The following PON3 variants were observed in gnomAD, a reference collection of about 807,000 sequenced individuals.
The protein encoded by PON3 is paraoxonase 3.
Under a neutral mutation model 36.3 loss-of-function variants are expected in PON3, and 37 were observed. That is an observed-to-expected ratio of 1.02 (90% CI 0.78 to 1.34). The LOEUF is 1.34. Ranked by LOEUF, PON3 falls within the 40% of genes most tolerant of loss-of-function variation. The pLI is 0.00. For synonymous variants in PON3, 155 were observed against 154.8 expected (o/e 1.00, Z -0.01); for missense variants, 415 against 426.5 (o/e 0.97, Z 0.24).
intron 3 of PON3, 97 bp from the exon 4 acceptor site, chr7:95,372,435 A>G (rs1451033724): frequency 7.3e-7 from 1 of 1,372,968 alleles, no homozygotes; most frequent in Non-Finnish European, 1.0e-6. Context: ...AAATGTTCAA[A>G]GTTCTAAATT....
At chr7:95,393,680 C>T (rs533033901) in intron 2 of PON3, among the ~76,000 whole-genome samples, 5 of 152,062 alleles carry the variant, frequency 3.3e-5, no homozygotes, top group Admixed American at 3.3e-4. Context: ...GGGTACCATA[C>T]ATAGGAAAAG....
intron 3 of PON3, among the ~76,000 whole-genome samples, chr7:95,387,037 T>C (rs1475683529): frequency 6.6e-6 from 1 of 152,152 alleles, no homozygotes; most frequent in Non-Finnish European, 1.5e-5. Flanking sequence ...TCATACTGAA[T>C]AGGCAAAAAC....
At chr7:95,367,119 G>C (rs1289164441) in intron 5 of PON3, among the ~76,000 whole-genome samples, 1 of 152,162 alleles carries the variant, frequency 6.6e-6, no homozygotes, top group African/African-American at 2.4e-5. Flanking sequence ...GAATTTAATT[G>C]AGCACCTTTA....
chr7:95,373,886 C>T (rs1268431522), intron 3 of PON3, among the ~76,000 whole-genome samples: 1 of 152,144 alleles, frequency 6.6e-6, no homozygotes, highest in African/African-American at 2.4e-5. Flanking sequence ...CTGGGCCTTA[C>T]AAGGAACAAC....
intron 3 of PON3, 114 bp from the exon 4 acceptor site, chr7:95,372,452 A>C (rs1054484874): frequency 1.7e-6 from 2 of 1,196,974 alleles, no homozygotes; most frequent in Non-Finnish European, 2.4e-6. Flanking sequence ...AATTTCATTT[A>C]GATTACTGGG....
intron 8 of PON3, among the ~76,000 whole-genome samples, chr7:95,360,969 G>T (rs180675826): frequency 6.6e-6 from 1 of 152,064 alleles, no homozygotes; most frequent in East Asian, 1.9e-4. Context: ...CAGTAATTGT[G>T]ACAAAAAGTC....
At chr7:95,384,206 A>G (rs1809133618) in intron 3 of PON3, among the ~76,000 whole-genome samples, 1 of 152,242 alleles carries the variant, frequency 6.6e-6, no homozygotes, top group Non-Finnish European at 1.5e-5. Flanking sequence ...AATTAATTCA[A>G]GATGGATTAA....
intron 3 of PON3, among the ~76,000 whole-genome samples, chr7:95,377,268 T>C (rs1407603713): frequency 6.6e-6 from 1 of 152,130 alleles, no homozygotes; most frequent in Non-Finnish European, 1.5e-5. Flanking sequence ...GCCGGGAAGC[T>C]TGAACAGGGC....
At chr7:95,378,226 C>G (rs1277495573) in intron 3 of PON3, among the ~76,000 whole-genome samples, 1 of 152,130 alleles carries the variant, frequency 6.6e-6, no homozygotes, top group Non-Finnish European at 1.5e-5. Context: ...AAGAAACGAA[C>G]AAAGCCTCCA....
intron 3 of PON3, among the ~76,000 whole-genome samples, chr7:95,378,571 C>T (rs1030003014): frequency 1.3e-5 from 2 of 152,314 alleles, no homozygotes; most frequent in East Asian, 3.9e-4. Context: ...ACAAACCCTA[C>T]AAGCCAGAAG....
chr7:95,387,612 A>C (rs1464874722), intron 3 of PON3, among the ~76,000 whole-genome samples: 1 of 152,216 alleles, frequency 6.6e-6, no homozygotes, highest in African/African-American at 2.4e-5. Flanking sequence ...GATTTTCTTC[A>C]CAGAATTGGA....
chr7:95,382,194 T>A (rs952733199), intron 3 of PON3, among the ~76,000 whole-genome samples: 2 of 152,142 alleles, frequency 1.3e-5, no homozygotes, highest in Non-Finnish European at 2.9e-5. Context: ...CTGGGACACA[T>A]TTAAAGCAGT....
At chr7:95,381,478 C>A (rs113129580) in intron 3 of PON3, among the ~76,000 whole-genome samples, 4,245 of 152,106 alleles carry the variant, frequency 0.028, 114 homozygotes, top group African/African-American at 0.068. Context: ...CAGAGACACA[C>A]ATAGGCTCAA....
intron 3 of PON3, among the ~76,000 whole-genome samples, chr7:95,384,392 G>C (rs1037773808): frequency 1.3e-5 from 2 of 152,084 alleles, no homozygotes; most frequent in Non-Finnish European, 2.9e-5. Context: ...CATAGCAAAA[G>C]AAACTACCAT....
chr7:95,372,725 T>C (rs559802418), intron 3 of PON3, among the ~76,000 whole-genome samples: 1 of 152,320 alleles, frequency 6.6e-6, no homozygotes, highest in African/African-American at 2.4e-5. Context: ...TTTCCGGTCC[T>C]GGTATTCTAT....
At chr7:95,376,571 T>A (rs1808916603) in intron 3 of PON3, among the ~76,000 whole-genome samples, 2 of 151,820 alleles carry the variant, frequency 1.3e-5, no homozygotes. Flanking sequence ...ACATTTCTCA[T>A]AAAATTATTT....
chr7:95,394,808 T>C, intron 1 of PON3, 94 bp from the exon 2 acceptor site: 1 of 966,404 alleles, frequency 1.0e-6, no homozygotes, highest in Admixed American at 1.7e-5. Context: ...GTTGGTTAAC[T>C]ATCTTTATCA....
intron 3 of PON3, among the ~76,000 whole-genome samples, chr7:95,389,502 A>G (rs1291780277): frequency 1.3e-5 from 2 of 152,214 alleles, no homozygotes; most frequent in African/African-American, 4.8e-5. Flanking sequence ...TTGATTTAAC[A>G]AATATTAATA....
At position 95,372,202 on chromosome 7, in the gene PON3, G is replaced by A; in HGVS notation, c.338C>T (p.Pro113Leu). 3 of 1,613,696 alleles carry A rather than the reference G, an allele frequency of 1.9e-6. No individual in the cohort carries two copies. The South Asian group carries it at 3.3e-5, about 18-fold the overall frequency. Reference sequence around the variant, plus strand: ...GTCGATGAAAATACTGATCCCATGTGGATTAAATAATTCTTTGTCAAATCC... The same window carrying A: ...GTCGATGAAAATACTGATCCCATGTAGATTAAATAATTCTTTGTCAAATCC... ...SGGFDKELFN[P>L]HGISIFIDKD... Residue 113 changes from proline (P) to leucine (L), a missense_variant, in exon 4 of 9, where the codon CCA becomes CTA. Transcript: ENST00000265627.
Sources: allele counts gnomAD v4.1 joint callset (sites outside exome capture counted in the v4.1 genomes callset), GRCh38; gene constraint gnomAD v4.1.1; transcripts MANE v1.5; gene names NCBI Gene and HGNC (gene_info 2026-07-23, HGNC 2026-07-21).